The following FAF2 variants were observed in gnomAD, a reference collection of about 807,000 sequenced individuals.
The protein encoded by FAF2 is Fas associated factor family member 2.
A neutral mutation model predicts 62.3 loss-of-function variants in FAF2; 9 were observed. The observed-to-expected ratio is 0.14, with a 90% confidence interval of 0.09 to 0.25. The LOEUF is 0.25. Ranked by LOEUF, FAF2 falls within the 10% of genes least tolerant of loss-of-function variation. The probability of loss-of-function intolerance (pLI) is 1.00; values close to 1 mark genes in which losing one functional copy is unlikely to be tolerated. For missense variants in FAF2, 368 were observed against 556.2 expected (o/e 0.66, Z 3.40); for synonymous variants, 202 against 198.0 (o/e 1.02, Z -0.17).
At chr5:176,450,654 A>G (rs376464198) in intron 1 of FAF2, among the ~76,000 whole-genome samples, 13 of 152,008 alleles carry the variant, frequency 8.6e-5, no homozygotes, top group African/African-American at 2.7e-4. Flanking sequence ...TCCAGTTTCA[A>G]GCGATTCTCC....
intron 1 of FAF2, among the ~76,000 whole-genome samples, chr5:176,465,872 A>T (rs1758459010): frequency 6.6e-6 from 1 of 152,118 alleles, no homozygotes; most frequent in Admixed American, 6.6e-5. Flanking sequence ...AGAAAAGAAA[A>T]CGATTTCAAG....
intron 2 of FAF2, among the ~76,000 whole-genome samples, chr5:176,482,519 G>GT (rs1370404286): frequency 2.0e-5 from 3 of 151,852 alleles, no homozygotes; most frequent in African/African-American, 7.2e-5. Context: ...GCCAGTTTAT[G>GT]TTTTTTTGAG....
intron 3 of FAF2, among the ~76,000 whole-genome samples, chr5:176,486,904 A>G (rs1262201856): frequency 1.3e-5 from 2 of 152,216 alleles, no homozygotes; most frequent in South Asian, 2.1e-4. Context: ...GAGTACTCCA[A>G]TAACCTGGTA....
intron 3 of FAF2, among the ~76,000 whole-genome samples, chr5:176,487,280 G>A (rs1362045010): frequency 6.6e-6 from 1 of 152,114 alleles, no homozygotes; most frequent in African/African-American, 2.4e-5. Context: ...GACCTCCCGG[G>A]CTCAAGCAGT....
chr5:176,476,803 AATT>A (rs1758700832), intron 1 of FAF2, among the ~76,000 whole-genome samples: 1 of 127,278 alleles, frequency 7.9e-6, no homozygotes, highest in East Asian at 2.2e-4. Context: ...ATGCTGAACT[AATT>A]TTTTTTTTTT....
At position 176,448,401 on chromosome 5, in the gene FAF2, C is replaced by T. The variant is rs200372261; in HGVS notation, c.-7C>T. On this transcript the variant is annotated 5_prime_UTR_variant, in exon 1 of 11. Transcript: ENST00000261942. ...GGACGGGTCAGGAGCGTAGAGGCGG[C>T]GGCAAAATGGCGGCGCCTGAGGAGC... 1 of 1,604,444 alleles carries T rather than the reference C, an allele frequency of 6.2e-7. No homozygotes were observed. The highest frequency in any genetic ancestry group is 8.5e-7 in the Non-Finnish European group (1 of 1,175,910).
At chr5:176,498,825 A>G (rs1251209889) in intron 8 of FAF2, 89 bp from the exon 9 acceptor site, 2 of 1,204,046 alleles carry the variant, frequency 1.7e-6, no homozygotes, top group Non-Finnish European at 2.2e-6. Flanking sequence ...ATTTTTACAC[A>G]CACACACACA....
intron 5 of FAF2, among the ~76,000 whole-genome samples, chr5:176,493,009 CA>C (rs1759000187): frequency 1.3e-5 from 2 of 152,120 alleles, no homozygotes; most frequent in African/African-American, 2.4e-5. Flanking sequence ...CCTCACCATT[CA>C]GGGGAGGAAA....
At chr5:176,456,870 T>C (rs958410934) in intron 1 of FAF2, among the ~76,000 whole-genome samples, 1 of 152,214 alleles carries the variant, frequency 6.6e-6, no homozygotes, top group African/African-American at 2.4e-5. Flanking sequence ...TTTATGTTGC[T>C]GAATCTGTTC....
chr5:176,492,073 A>G, intron 4 of FAF2, 121 bp from the exon 5 acceptor site: 1 of 1,109,528 alleles, frequency 9.0e-7, no homozygotes. Flanking sequence ...CCACTCACAG[A>G]CTGTTCACCT....
At chr5:176,499,193 G>T in intron 9 of FAF2, 108 bp downstream of exon 9, 2 of 979,928 alleles carry the variant, frequency 2.0e-6, no homozygotes, top group Non-Finnish European at 2.7e-6. Flanking sequence ...AACAGACTAA[G>T]AGGGAAAAAA....
intron 1 of FAF2, among the ~76,000 whole-genome samples, chr5:176,452,518 A>G (rs1204512239): frequency 6.6e-6 from 1 of 152,230 alleles, no homozygotes; most frequent in Non-Finnish European, 1.5e-5. Flanking sequence ...GCTACTAGGT[A>G]GTGGAATTCT....
intron 2 of FAF2, among the ~76,000 whole-genome samples, chr5:176,486,007 T>G (rs913254100): frequency 2.0e-5 from 3 of 152,226 alleles, no homozygotes; most frequent in African/African-American, 7.2e-5. Flanking sequence ...CTGCCTACAT[T>G]GTATTCTCTG....
intron 1 of FAF2, among the ~76,000 whole-genome samples, chr5:176,451,143 G>T (rs1758159374): frequency 6.6e-6 from 1 of 152,180 alleles, no homozygotes; most frequent in African/African-American, 2.4e-5. Context: ...GGCCGAGGCA[G>T]GTGGATCACC....
chr5:176,452,824 C>T (rs1486116458), intron 1 of FAF2, among the ~76,000 whole-genome samples: 1 of 152,162 alleles, frequency 6.6e-6, no homozygotes, highest in African/African-American at 2.4e-5. Flanking sequence ...GATTTTTCAA[C>T]TAGGGAGTGA....
chr5:176,486,998 C>T (rs1339857442), intron 3 of FAF2, among the ~76,000 whole-genome samples: 2 of 152,230 alleles, frequency 1.3e-5, no homozygotes, highest in Non-Finnish European at 2.9e-5. Flanking sequence ...TGAAGGAAGT[C>T]AGATGTGTAC....
At chr5:176,469,313 T>C (rs1291200834) in intron 1 of FAF2, among the ~76,000 whole-genome samples, 1 of 152,190 alleles carries the variant, frequency 6.6e-6, no homozygotes, top group African/African-American at 2.4e-5. Context: ...AGTAGGAAGT[T>C]GAAGCCTGTG....
chr5:176,460,916 A>G (rs990725320), intron 1 of FAF2, among the ~76,000 whole-genome samples: 1 of 152,062 alleles, frequency 6.6e-6, no homozygotes, highest in East Asian at 1.9e-4. Flanking sequence ...AGATGGTGCC[A>G]CTGCACTCCA....
At chr5:176,498,813 A>C in intron 8 of FAF2, 101 bp from the exon 9 acceptor site, 1 of 1,132,334 alleles carries the variant, frequency 8.8e-7, no homozygotes, top group Non-Finnish European at 1.2e-6. Context: ...AAGAATATCA[A>C]CATTTTTACA....
Sources: allele counts gnomAD v4.1 joint callset (sites outside exome capture counted in the v4.1 genomes callset), GRCh38; gene constraint gnomAD v4.1.1; transcripts MANE v1.5; gene names NCBI Gene and HGNC (gene_info 2026-07-23, HGNC 2026-07-21).